The following TLN2 variants were observed in gnomAD, a reference collection of about 807,000 sequenced individuals.
TLN2 encodes the protein talin 2, also known as talin-2.
Under a neutral mutation model 294.7 loss-of-function variants are expected in TLN2, and 118 were observed. That is an observed-to-expected ratio of 0.40 (90% CI 0.34 to 0.47). TLN2 has a LOEUF of 0.47. Ranked by LOEUF, TLN2 falls within the 20% of genes least tolerant of loss-of-function variation. The probability of loss-of-function intolerance (pLI) is 0.84; values close to 1 mark genes in which losing one functional copy is unlikely to be tolerated. For synonymous variants in TLN2, 1,431 were observed against 1,304.5 expected, an observed-to-expected ratio of 1.10 and a Z score of -2.09; for missense variants, 3,083 against 3,282.2, an observed-to-expected ratio of 0.94 and a Z score of 1.48.
intron 1 of TLN2, among the ~76,000 whole-genome samples, chr15:62,578,715 A>G (rs577220001): frequency 6.6e-6 from 1 of 152,252 alleles, no homozygotes; most frequent in South Asian, 2.1e-4. Context: ...GGAGGGGGGT[A>G]AAGTCCACAT....
At chr15:62,596,242 G>A (rs1466239660) in intron 2 of TLN2, among the ~76,000 whole-genome samples, 7 of 133,772 alleles carry the variant, frequency 5.2e-5, no homozygotes, top group Non-Finnish European at 7.7e-5. Flanking sequence ...TCCAGCCTGG[G>A]CGACAGAGCA....
intron 28 of TLN2, among the ~76,000 whole-genome samples, chr15:62,736,638 AG>A (rs570530853): frequency 6.8e-6 from 1 of 146,154 alleles, no homozygotes; most frequent in Non-Finnish European, 1.5e-5. Context: ...AAGGGAAGTC[AG>A]GGGGAAGAAG....
At chr15:62,391,309 A>G (rs1595704530) in intron 1 of TLN2, among the ~76,000 whole-genome samples, 1 of 152,316 alleles carries the variant, frequency 6.6e-6, no homozygotes, top group East Asian at 1.9e-4. Flanking sequence ...CAATCTCGCC[A>G]CGGGCGAACT....
rs56047730 is a variant in TLN2, at chr15:62,687,961, A to T, written c.1113+1165A>T. The T allele has an allele frequency of 2.6e-5, 4 of 152,198 alleles. No homozygotes were observed. In the South Asian group the frequency reaches 8.3e-4, roughly 32 times the overall value. The allele number at this position is 152,198 out of a possible 1,614,324, so 9.4% of individuals were successfully genotyped here. A position where few individuals can be genotyped will look rare whatever the true frequency, so the allele number is the denominator to read the frequency against. On this transcript the variant is annotated intron_variant, in intron 12 of 58. Transcript: ENST00000636159. Reference sequence around the variant, plus strand: ...GAAAAATCAAGAAATCAATATAAACATATTATTTAGAAATACTAGAAGCAA... The same window carrying T: ...GAAAAATCAAGAAATCAATATAAACTTATTATTTAGAAATACTAGAAGCAA...
chr15:62,579,717 G>A (rs746541674), intron 1 of TLN2, among the ~76,000 whole-genome samples: 5 of 152,182 alleles, frequency 3.3e-5, no homozygotes, highest in Non-Finnish European at 5.9e-5. Context: ...AGATGACAGA[G>A]TTTCCACTGG....
intron 25 of TLN2, among the ~76,000 whole-genome samples, chr15:62,720,268 G>A (rs904524676): frequency 6.6e-6 from 1 of 152,180 alleles, no homozygotes; most frequent in Admixed American, 6.5e-5. Context: ...GAAATGTTAA[G>A]TGCGTCTTCT....
rs144847791 is a variant in TLN2, at chr15:62,689,178, G to C, written c.1113+2382G>C. ...TATCACTTTGTGTAGTGTTCTTAGT[G>C]GTTATTTTGGATATTACCATGTCCA... is the stretch of plus-strand genomic sequence containing the variant. On this transcript the variant is annotated intron_variant, in intron 12 of 58. Transcript: ENST00000636159. 3.3e-5 allele frequency among the ~76,000 whole-genome samples: 5 copies of C among 149,996 alleles called. No homozygotes were observed. In the East Asian group the frequency reaches 9.8e-4, roughly 29 times the overall value.
intron 1 of TLN2, among the ~76,000 whole-genome samples, chr15:62,447,556 G>A (rs906671047): frequency 6.0e-5 from 9 of 149,368 alleles, no homozygotes; most frequent in South Asian, 2.1e-4. Flanking sequence ...GTGCAATGGC[G>A]CGATCTTGCT....
intron 31 of TLN2, among the ~76,000 whole-genome samples, chr15:62,739,990 T>C (rs1054554089): frequency 2.0e-5 from 3 of 151,966 alleles, no homozygotes; most frequent in Admixed American, 6.5e-5. Flanking sequence ...ATAAACCCCT[T>C]GTTTAGAACA....
In TLN2 at chr15:62,843,159, A is replaced by C. The variant is rs374077023; in HGVS notation, c.*2549A>C. The C allele has an allele frequency of 4.6e-5, 7 of 152,240 alleles. No individual in the cohort carries two copies. The highest frequency in any genetic ancestry group is 1.7e-4 in the African/African-American group (7 of 41,542). 9.4% of individuals were successfully genotyped at this position (152,240 alleles called of 1,614,324 possible). A position where few individuals can be genotyped will look rare whatever the true frequency, so the allele number is the denominator to read the frequency against. ...CCCCAGGTCTGGAGCATAGAAGTGTATCTCTGTGAAGAGAGAGCCGGTGTG... is the reference window on the plus strand; with the variant it reads ...CCCCAGGTCTGGAGCATAGAAGTGTCTCTCTGTGAAGAGAGAGCCGGTGTG... On this transcript the variant is annotated 3_prime_UTR_variant, in exon 59 of 59. Coordinates refer to ENST00000636159, the MANE Select transcript of TLN2 (RefSeq NM_015059.3).
intron 28 of TLN2, 125 bp from the exon 29 acceptor site, chr15:62,736,753 A>C (rs1394708549): frequency 1.8e-6 from 2 of 1,088,916 alleles, no homozygotes; most frequent in Non-Finnish European, 2.6e-6. Context: ...CAGCAATTCA[A>C]ATTTTATGAA....
intron 28 of TLN2, 97 bp downstream of exon 28, chr15:62,727,286 C>T: frequency 1.8e-6 from 2 of 1,082,984 alleles, no homozygotes; most frequent in Non-Finnish European, 1.3e-6. Context: ...ATACACGTGA[C>T]ATTTTTCTCC....
intron 2 of TLN2, among the ~76,000 whole-genome samples, chr15:62,600,020 A>G (rs545859449): frequency 6.6e-6 from 1 of 152,284 alleles, no homozygotes; most frequent in South Asian, 2.1e-4. Flanking sequence ...GAGCAGAAAG[A>G]AAGTTGAGAG....
intron 11 of TLN2, among the ~76,000 whole-genome samples, chr15:62,678,582 G>A (rs1161161587): frequency 1.3e-5 from 2 of 151,610 alleles, no homozygotes; most frequent in Non-Finnish European, 2.9e-5. Context: ...TGTAATCCCA[G>A]CACTTTGGGA....
At chr15:62,582,486 TG>T (rs1414263681) in intron 1 of TLN2, among the ~76,000 whole-genome samples, 1 of 152,222 alleles carries the variant, frequency 6.6e-6, no homozygotes, top group Non-Finnish European at 1.5e-5. Context: ...AACAAACTTT[TG>T]TAAGTACAGA....
chr15:62,591,869 C>T (rs533571620), intron 2 of TLN2, among the ~76,000 whole-genome samples: 7 of 152,174 alleles, frequency 4.6e-5, no homozygotes, highest in African/African-American at 1.4e-4. Flanking sequence ...ACCAGAGGAC[C>T]GTCTGAGAAT....
chr15:62,465,572 C>CA (rs2037086479), intron 1 of TLN2, among the ~76,000 whole-genome samples: 1 of 152,160 alleles, frequency 6.6e-6, no homozygotes, highest in Non-Finnish European at 1.5e-5. Flanking sequence ...TTGTTGTCTT[C>CA]CATGGAGCTG....
intron 2 of TLN2, among the ~76,000 whole-genome samples, chr15:62,604,847 G>A (rs890532599): frequency 2.6e-5 from 4 of 152,034 alleles, no homozygotes; most frequent in South Asian, 2.1e-4. Context: ...ATCCTGTAGC[G>A]TGTGGACCTA....
chr15:62,791,006 G>A (rs1284349409), intron 45 of TLN2, among the ~76,000 whole-genome samples: 7 of 152,190 alleles, frequency 4.6e-5, no homozygotes, highest in Non-Finnish European at 8.8e-5. Context: ...GTACGAAGGT[G>A]TATAGAAGTG....
Sources: gnomAD v4.1 joint callset for allele counts (sites outside exome capture counted in the v4.1 genomes callset) on GRCh38, gnomAD v4.1.1 for gene constraint, MANE v1.5 for transcripts, NCBI Gene and HGNC (gene_info 2026-07-23, HGNC 2026-07-21) for gene names.